PHACTR2: variants seen among roughly 807,000 people sequenced by gnomAD.
The protein encoded by PHACTR2 is phosphatase and actin regulator 2, also known as chromosome 6 open reading frame 56.
PHACTR2 carries 30 observed loss-of-function variants against 76.0 expected under a neutral mutation model. That is an observed-to-expected ratio of 0.39 (90% confidence interval 0.30 to 0.54). The LOEUF (loss-of-function observed/expected upper bound fraction) is 0.54, where lower values mean the gene tolerates loss of function less well. Among genes scored for constraint, PHACTR2 ranks in the 20% least tolerant of loss-of-function variants. The pLI is 0.61. For synonymous variants in PHACTR2, 292 were observed against 292.5 expected (o/e 1.00, Z 0.02); for missense variants, 696 against 781.1 (o/e 0.89, Z 1.30).
At chr6:143,711,200 T>G in intron 1 of PHACTR2, 1 of 357,220 alleles carries the variant, frequency 2.8e-6, no homozygotes, top group Non-Finnish European at 5.4e-6. Flanking sequence ...TTTTGATTTT[T>G]TCTTTTTTGC....
chr6:143,622,312 G>A (rs569687650), intron 1 of PHACTR2, among the ~76,000 whole-genome samples: 1 of 152,256 alleles, frequency 6.6e-6, no homozygotes, highest in South Asian at 2.1e-4. Context: ...TGGTCATGTA[G>A]TCCTAGGTCC....
intron 1 of PHACTR2, among the ~76,000 whole-genome samples, chr6:143,564,196 C>T (rs7761622): frequency 0.011 from 455 of 40,240 alleles, 6 homozygotes; most frequent in Middle Eastern, 0.019. Flanking sequence ...TGTGTGTGTG[C>T]ATATATATAT....
At chr6:143,564,751 A>G (rs1775338497) in intron 1 of PHACTR2, among the ~76,000 whole-genome samples, 1 of 152,244 alleles carries the variant, frequency 6.6e-6, no homozygotes, top group Non-Finnish European at 1.5e-5. Context: ...GATCAGAAAC[A>G]GAGCCTTTGG....
intron 1 of PHACTR2, among the ~76,000 whole-genome samples, chr6:143,668,848 G>A (rs1364424400): frequency 6.6e-6 from 1 of 151,940 alleles, no homozygotes; most frequent in Non-Finnish European, 1.5e-5. Context: ...TTTTTTGAAG[G>A]GTTTTTCATT....
At position 143,776,854 on chromosome 6, in the gene PHACTR2, G is replaced by C. The variant is rs927216349; in HGVS notation, c.1590-474G>C. The stretch of plus-strand genomic sequence containing the variant: ...GCAGCCCCATTCCTTCTGTCTTGCT[G>C]CTCTCCCATCCCCTAGATGGTCTCA... On this transcript the variant is annotated intron_variant, in intron 8 of 12. Coordinates refer to ENST00000440869, the MANE Select transcript of PHACTR2 (RefSeq NM_001100164.2). This position sits in a 1 kb window ranked among gnomAD's most constrained non-coding sequence, Gnocchi z 5.3. Among the ~76,000 whole-genome samples, 3 of 152,186 alleles carry C rather than the reference G, an allele frequency of 2.0e-5. No homozygotes were observed. Among genetic ancestry groups the C allele is most frequent in the African/African-American group, 7.2e-5 (3 of 41,438 alleles).
Position 143,809,910 on chromosome 6 carries a change from G to A in PHACTR2, c.1922+2777G>A, listed in dbSNP as rs1045099512. Among the ~76,000 whole-genome samples the A allele has an allele frequency of 3.3e-5, 5 of 151,984 alleles. No homozygotes were observed. Among genetic ancestry groups the A allele is most frequent in the East Asian group, 1.9e-4 (1 of 5,156 alleles). ...GCAGATCTTTTGAGCTCAGGAGTTC[G>A]AGACCAGCCTGGACAACATAGCAAA... On this transcript the variant is annotated intron_variant, in intron 12 of 12. Transcript: ENST00000440869. The surrounding 1 kb of genome is among the most constrained non-coding windows in gnomAD (Gnocchi z 4.2).
At position 143,592,855 on chromosome 6, in the gene PHACTR2, G is replaced by C. The variant is rs553725451; in HGVS notation, c.217+55648G>C. 1.3e-5 allele frequency among the ~76,000 whole-genome samples: 2 copies of C among 151,818 alleles called. No individual in the cohort carries two copies. The highest frequency in any genetic ancestry group is 4.2e-4 in the South Asian group (2 of 4,800). On this transcript the variant is annotated intron_variant, in intron 1 of 11. Coordinates refer to the PHACTR2 transcript ENST00000367584. The surrounding 1 kb of genome is among the most constrained non-coding windows in gnomAD (Gnocchi z 4.0). ...TTGAGCCTAGGAGTTTGAGACCCAGGCTGCAAAATGGCGAAACCCTGTCTC... is the reference window on the plus strand; with the variant it reads ...TTGAGCCTAGGAGTTTGAGACCCAGCCTGCAAAATGGCGAAACCCTGTCTC...
chr6:143,668,754 A>G (rs1384887133), intron 1 of PHACTR2, among the ~76,000 whole-genome samples: 1 of 150,562 alleles, frequency 6.6e-6, no homozygotes, highest in African/African-American at 2.4e-5. Flanking sequence ...TGTCTATTTG[A>G]TTCTTCTCTC....
intron 1 of PHACTR2, among the ~76,000 whole-genome samples, chr6:143,542,896 A>G (rs1337215333): frequency 6.6e-6 from 1 of 152,246 alleles, no homozygotes; most frequent in African/African-American, 2.4e-5. Context: ...TCACAGTGCC[A>G]ACATGGCCAT....
chr6:143,781,269 A>G (rs919170620), intron 9 of PHACTR2, among the ~76,000 whole-genome samples: 1 of 152,210 alleles, frequency 6.6e-6, no homozygotes, highest in Admixed American at 6.5e-5. Context: ...CCCTAACTGC[A>G]TTTGGCCCTT....
chr6:143,537,915 T>A lies in PHACTR2; in HGVS notation c.217+708T>A, dbSNP rs1357673219. On this transcript the variant is annotated intron_variant, in intron 1 of 11. Coordinates refer to the PHACTR2 transcript ENST00000367584. This position sits in a 1 kb window ranked among gnomAD's most constrained non-coding sequence, Gnocchi z 4.4. ...TGAGGTCAAAAGTTCGAGACCGGCC[T>A]GGCCAACATGGTCAGGAAACTTCGT... is the stretch of plus-strand genomic sequence containing the variant. Among the ~76,000 whole-genome samples the A allele has an allele frequency of 6.6e-6, 1 of 152,226 alleles. No individual in the cohort carries two copies. Among genetic ancestry groups the A allele is most frequent in the Non-Finnish European group, 1.5e-5 (1 of 68,042 alleles).
chr6:143,628,859 A>C (rs980219518), intron 1 of PHACTR2, among the ~76,000 whole-genome samples: 1 of 147,412 alleles, frequency 6.8e-6, no homozygotes, highest in Non-Finnish European at 1.5e-5. Context: ...TCACTAGGCT[A>C]ATATTTTCAT....
chr6:143,693,932 G>T (rs1362106006), intron 1 of PHACTR2, among the ~76,000 whole-genome samples: 1 of 152,104 alleles, frequency 6.6e-6, no homozygotes, highest in Admixed American at 6.6e-5. Flanking sequence ...ATGTGGGTGT[G>T]GTGGTGTGCA....
chr6:143,580,057 T>G lies in PHACTR2; in HGVS notation c.217+42850T>G, dbSNP rs1430681369. Among the ~76,000 whole-genome samples, 1 of 152,146 alleles carries G rather than the reference T, an allele frequency of 6.6e-6. No individual in the cohort carries two copies. The highest frequency in any genetic ancestry group is 6.5e-5 in the Admixed American group (1 of 15,270). On this transcript the variant is annotated intron_variant, in intron 1 of 11. Transcript: ENST00000367584. The surrounding 1 kb of genome is among the most constrained non-coding windows in gnomAD (Gnocchi z 4.2). ...GTTTCTTGCCACGTGGGCCTCTCCATAGGGCAGCTCACAACATGACCACTG... is the reference window on the plus strand; with the variant it reads ...GTTTCTTGCCACGTGGGCCTCTCCAGAGGGCAGCTCACAACATGACCACTG...
In PHACTR2 at chr6:143,617,559, A is replaced by G. The variant is rs953325917; in HGVS notation, c.13+9237A>G. On this transcript the variant is annotated intron_variant, in intron 1 of 11. Transcript: ENST00000305766. The surrounding 1 kb of genome is among the most constrained non-coding windows in gnomAD (Gnocchi z 4.8). ...TTTAAAAGCTCCCCACTATATTCTA[A>G]TGAGCCATGAGGGTGACAACCACTG... Among the ~76,000 whole-genome samples, 4 of 152,198 alleles carry G rather than the reference A, an allele frequency of 2.6e-5. No homozygotes were observed. Among genetic ancestry groups the G allele is most frequent in the African/African-American group, 9.7e-5 (4 of 41,448 alleles).
intron 1 of PHACTR2, among the ~76,000 whole-genome samples, chr6:143,600,820 G>T (rs1440400456): frequency 6.6e-6 from 1 of 152,208 alleles, no homozygotes; most frequent in Non-Finnish European, 1.5e-5. Context: ...GAAGCCTGAA[G>T]CTTTAAAAGA....
chr6:143,768,212 G>C (rs1774992918), intron 6 of PHACTR2, among the ~76,000 whole-genome samples: 1 of 152,148 alleles, frequency 6.6e-6, no homozygotes, highest in Non-Finnish European at 1.5e-5. Context: ...CCAGCACACA[G>C]CAAATGTCTT....
intron 2 of PHACTR2, among the ~76,000 whole-genome samples, chr6:143,737,064 TTCTATTATATAGAG>T (rs1343472167): frequency 6.6e-6 from 1 of 151,780 alleles, no homozygotes; most frequent in African/African-American, 2.4e-5. Flanking sequence ...TATAAAAGTA[TTCTATTATATAGAG>T]TCTATTATAT....
At chr6:143,552,763 G>A (rs969403353) in intron 1 of PHACTR2, among the ~76,000 whole-genome samples, 3 of 152,058 alleles carry the variant, frequency 2.0e-5, no homozygotes, top group South Asian at 2.1e-4. Flanking sequence ...AATGAGCCGG[G>A]CATGGTGGTG....
Sources: allele counts gnomAD v4.1 joint callset (sites outside exome capture counted in the v4.1 genomes callset), GRCh38; gene constraint gnomAD v4.1.1; non-coding constraint Gnocchi (gnomAD v3.1); transcripts MANE v1.5; gene names NCBI Gene and HGNC (gene_info 2026-07-23, HGNC 2026-07-21).